DACH2: variants seen among roughly 807,000 people sequenced by gnomAD.
DACH2 encodes dachshund homolog 2.
DACH2 carries 17 observed loss-of-function variants against 35.8 expected under a neutral mutation model. The observed-to-expected ratio is 0.48, with a 90% CI of 0.33 to 0.71. The LOEUF (loss-of-function observed/expected upper bound fraction) is 0.71, where lower values mean the gene tolerates loss of function less well. Among genes scored for constraint, DACH2 ranks in the 30% least tolerant of loss-of-function variants. The probability of loss-of-function intolerance (pLI) is 0.02; values close to 1 mark genes in which losing one functional copy is unlikely to be tolerated. For synonymous variants in DACH2, 195 were observed against 177.3 expected, an observed-to-expected ratio of 1.10 and a Z score of -0.79; for missense variants, 469 against 472.7, an observed-to-expected ratio of 0.99 and a Z score of 0.07.
At chrX:86,208,750 T>C (rs924962229) in intron 1 of DACH2, among the ~76,000 whole-genome samples, 4 of 111,784 alleles carry the variant, frequency 3.6e-5, no homozygotes, top group Non-Finnish European at 5.7e-5. Context: ...TGAAAAATTA[T>C]TTATTTTATT....
chrX:86,645,040 C>T (rs1422150634), intron 3 of DACH2, among the ~76,000 whole-genome samples: 2 of 110,501 alleles, frequency 1.8e-5, no homozygotes, highest in African/African-American at 6.6e-5. Flanking sequence ...CAAAAGCAAG[C>T]AGAACAAAAG....
At chrX:86,725,952 G>T (rs929078281) in intron 6 of DACH2, among the ~76,000 whole-genome samples, 4 of 111,364 alleles carry the variant, frequency 3.6e-5, no homozygotes, top group African/African-American at 1.3e-4. Flanking sequence ...GAAACTTCCT[G>T]GGTCCTGCAT....
chrX:86,631,316 A>G (rs2040198647), intron 3 of DACH2, among the ~76,000 whole-genome samples: 1 of 112,093 alleles, frequency 8.9e-6, no homozygotes, highest in Non-Finnish European at 1.9e-5. Context: ...TCTATTTGGA[A>G]AGATTTGCAT....
chrX:86,242,848 C>T (rs1205292132), intron 1 of DACH2, among the ~76,000 whole-genome samples: 3 of 111,563 alleles, frequency 2.7e-5, no homozygotes, highest in Non-Finnish European at 5.6e-5. Context: ...GCACTTCCCC[C>T]TTCTTTCTCC....
At chrX:86,529,863 G>A (rs749164896) in intron 3 of DACH2, among the ~76,000 whole-genome samples, 7 of 108,534 alleles carry the variant, frequency 6.4e-5, no homozygotes, top group Non-Finnish European at 1.1e-4. Context: ...ATCCCTTAAC[G>A]TAATGACCTC....
intron 7 of DACH2, among the ~76,000 whole-genome samples, chrX:86,786,132 A>G (rs1027854940): frequency 9.0e-6 from 1 of 111,623 alleles, no homozygotes; most frequent in African/African-American, 3.3e-5. Context: ...ATATACTCTG[A>G]AGAAAGGTTG....
At chrX:86,530,725 C>T (rs1447635323) in intron 3 of DACH2, among the ~76,000 whole-genome samples, 3 of 111,805 alleles carry the variant, frequency 2.7e-5, no homozygotes, top group Non-Finnish European at 3.8e-5. Flanking sequence ...ATAAAGATAC[C>T]TGAAAATGTG....
At chrX:86,337,561 A>T (rs1459556992) in intron 1 of DACH2, among the ~76,000 whole-genome samples, 1 of 112,335 alleles carries the variant, frequency 8.9e-6, no homozygotes, top group African/African-American at 3.2e-5. Flanking sequence ...TCCTGAAAGA[A>T]GCACTAAACA....
chrX:86,379,348 T>C (rs927411674), intron 2 of DACH2, among the ~76,000 whole-genome samples: 5 of 111,090 alleles, frequency 4.5e-5, no homozygotes, highest in Non-Finnish European at 9.5e-5. Flanking sequence ...GATCTGAGAC[T>C]TTGCTTGTTT....
At chrX:86,427,521 C>T (rs750155434) in intron 2 of DACH2, among the ~76,000 whole-genome samples, 4 of 110,823 alleles carry the variant, frequency 3.6e-5, no homozygotes, top group South Asian at 7.4e-4. Context: ...AAAGTTGTTC[C>T]GCAATCTCGG....
rs1367001856 is a variant in DACH2 at position 86,450,432 on chromosome X, A to T, written c.528-63847A>T. Among the ~76,000 whole-genome samples, 4 of 111,645 alleles carry T rather than the reference A, an allele frequency of 3.6e-5. No individual in the cohort carries two copies. The East Asian group carries it at 1.1e-3, about 31-fold the overall frequency. On this transcript the variant is annotated intron_variant, in intron 2 of 11. Transcript: ENST00000373125. ...TCTTTTTGTGGCTACATAGTATTCC[A>T]TGGTGCATATGTAGCACATTTTCTT...
chrX:86,543,769 G>A (rs2038919035), intron 3 of DACH2, among the ~76,000 whole-genome samples: 1 of 100,764 alleles, frequency 9.9e-6, no homozygotes, highest in Non-Finnish European at 2.0e-5. Context: ...CTCACTCATA[G>A]GTGGGAATTG....
intron 2 of DACH2, among the ~76,000 whole-genome samples, chrX:86,391,660 A>G (rs1433592374): frequency 1.8e-5 from 2 of 111,440 alleles, no homozygotes; most frequent in Non-Finnish European, 3.8e-5. Context: ...CACATAACCA[A>G]TTACATAAAG....
chrX:86,264,616 C>T (rs763865773), intron 1 of DACH2, among the ~76,000 whole-genome samples: 1 of 111,815 alleles, frequency 8.9e-6, no homozygotes, highest in East Asian at 2.8e-4. Context: ...AATCTCATGA[C>T]CTTTTAAAAA....
chrX:86,438,974 T>A (rs2037114634), intron 2 of DACH2, among the ~76,000 whole-genome samples: 1 of 112,328 alleles, frequency 8.9e-6, no homozygotes, highest in Admixed American at 9.4e-5. Context: ...CTCCATAATG[T>A]TTTCCATAGT....
chrX:86,677,600 G>A (rs1420876930), intron 4 of DACH2, among the ~76,000 whole-genome samples: 1 of 112,110 alleles, frequency 8.9e-6, no homozygotes, highest in Non-Finnish European at 1.9e-5. Context: ...TATAACAGGT[G>A]TAGTAGCCCT....
At chrX:86,289,766 G>A (rs1387488466) in intron 1 of DACH2, among the ~76,000 whole-genome samples, 1 of 108,989 alleles carries the variant, frequency 9.2e-6, no homozygotes, top group Non-Finnish European at 1.9e-5. Flanking sequence ...ATTTTTTATG[G>A]CTGCATAGTA....
At chrX:86,191,867 A>G (rs2031843288) in intron 1 of DACH2, among the ~76,000 whole-genome samples, 1 of 111,217 alleles carries the variant, frequency 9.0e-6, no homozygotes, top group African/African-American at 3.3e-5. Flanking sequence ...CTTGAACCCA[A>G]GAGGCGGAGG....
intron 2 of DACH2, among the ~76,000 whole-genome samples, chrX:86,390,798 C>T (rs1422164284): frequency 1.8e-5 from 2 of 108,855 alleles, no homozygotes; most frequent in Non-Finnish European, 3.8e-5. Context: ...CCATATTGAC[C>T]AGGCTGGTCT....
Sources: allele counts gnomAD v4.1 joint callset (sites outside exome capture counted in the v4.1 genomes callset), GRCh38; gene constraint gnomAD v4.1.1; transcripts MANE v1.5; gene names NCBI Gene and HGNC (gene_info 2026-07-23, HGNC 2026-07-21).